CNTNAP2: variants seen among roughly 807,000 people sequenced by gnomAD.
CNTNAP2 encodes contactin associated protein 2, also known as contactin-associated protein-like 2.
Under a neutral mutation model 155.2 loss-of-function variants are expected in CNTNAP2, and 98 were observed. That is an observed-to-expected ratio of 0.63 (90% CI 0.54 to 0.75). The LOEUF is 0.75. Among genes scored for constraint, CNTNAP2 ranks in the 30% least tolerant of loss-of-function variants. The pLI, the probability that CNTNAP2 is intolerant of heterozygous loss-of-function variation, is 0.00. For synonymous variants in CNTNAP2, 651 were observed against 631.2 expected, an observed-to-expected ratio of 1.03 and a Z score of -0.47; for missense variants, 1,727 against 1,688.1, an observed-to-expected ratio of 1.02 and a Z score of -0.40.
intron 13 of CNTNAP2, among the ~76,000 whole-genome samples, chr7:147,876,938 G>T (rs778472360): frequency 3.3e-5 from 5 of 152,092 alleles, no homozygotes; most frequent in Admixed American, 1.3e-4. Flanking sequence ...TGGGGCTGGT[G>T]TCGGGTGATT....
At chr7:147,030,845 C>T (rs1489291304) in intron 3 of CNTNAP2, among the ~76,000 whole-genome samples, 1 of 152,156 alleles carries the variant, frequency 6.6e-6, no homozygotes, top group African/African-American at 2.4e-5. Flanking sequence ...GATTACACCA[C>T]TGCACTTCAG....
chr7:148,228,791 G>A (rs1025024101), intron 19 of CNTNAP2, among the ~76,000 whole-genome samples: 7 of 135,908 alleles, frequency 5.2e-5, no homozygotes, highest in Non-Finnish European at 9.2e-5. Flanking sequence ...TCGCGCCACT[G>A]CACTCCAGCC....
intron 3 of CNTNAP2, among the ~76,000 whole-genome samples, chr7:146,983,821 C>T (rs1415223187): frequency 6.6e-6 from 1 of 152,122 alleles, no homozygotes; most frequent in East Asian, 1.9e-4. Flanking sequence ...AATATGTTTG[C>T]AATTGACATA....
chr7:147,013,825 G>T (rs915549404), intron 3 of CNTNAP2, among the ~76,000 whole-genome samples: 1 of 152,100 alleles, frequency 6.6e-6, no homozygotes, highest in Non-Finnish European at 1.5e-5. Context: ...GGGATAAGGG[G>T]AATATTGGTA....
At chr7:147,481,196 C>A (rs1798416967) in intron 10 of CNTNAP2, among the ~76,000 whole-genome samples, 1 of 152,134 alleles carries the variant, frequency 6.6e-6, no homozygotes, top group Admixed American at 6.5e-5. Context: ...GATAAAAAGC[C>A]TTCAACGTGC....
At chr7:146,382,312 A>G (rs572353876) in intron 1 of CNTNAP2, among the ~76,000 whole-genome samples, 1 of 152,310 alleles carries the variant, frequency 6.6e-6, no homozygotes, top group East Asian at 1.9e-4. Flanking sequence ...AAAAAGGAAG[A>G]TGGTAACCTA....
intron 9 of CNTNAP2, among the ~76,000 whole-genome samples, chr7:147,351,032 A>T (rs1034395645): frequency 6.6e-6 from 1 of 151,764 alleles, no homozygotes; most frequent in Non-Finnish European, 1.5e-5. Flanking sequence ...TAGAGCACTT[A>T]CTTAAACCAA....
chr7:146,709,157 A>G (rs901194766), intron 1 of CNTNAP2, among the ~76,000 whole-genome samples: 3 of 152,148 alleles, frequency 2.0e-5, no homozygotes, highest in African/African-American at 7.2e-5. Context: ...TTTCCATATT[A>G]TAGAAACAGT....
At chr7:146,823,099 A>G (rs1301225298) in intron 2 of CNTNAP2, among the ~76,000 whole-genome samples, 42 of 57,400 alleles carry the variant, frequency 7.3e-4, no homozygotes, top group African/African-American at 3.6e-3. Context: ...AAATATACTC[A>G]TTCTTCAGCA....
chr7:147,704,296 A>G (rs1036149803), intron 13 of CNTNAP2: 1 of 161,456 alleles, frequency 6.2e-6, no homozygotes, highest in Non-Finnish European at 1.4e-5. Flanking sequence ...CTTTCTTATA[A>G]ATTATATTCT....
At chr7:147,831,230 C>A (rs1412922271) in intron 13 of CNTNAP2, among the ~76,000 whole-genome samples, 1 of 152,114 alleles carries the variant, frequency 6.6e-6, no homozygotes, top group Non-Finnish European at 1.5e-5. Flanking sequence ...TATGAATACA[C>A]AAGATACAAG....
At chr7:146,647,794 C>G (rs1400662380) in intron 1 of CNTNAP2, among the ~76,000 whole-genome samples, 1 of 152,156 alleles carries the variant, frequency 6.6e-6, no homozygotes, top group East Asian at 1.9e-4. Flanking sequence ...TTTACCTATT[C>G]TTTTGATTAG....
chr7:146,363,368 T>G (rs773277222), intron 1 of CNTNAP2, among the ~76,000 whole-genome samples: 9 of 152,274 alleles, frequency 5.9e-5, no homozygotes, highest in South Asian at 4.1e-4. Flanking sequence ...ATCAATAATT[T>G]AACTGTTAAA....
intron 11 of CNTNAP2, among the ~76,000 whole-genome samples, chr7:147,506,105 G>A (rs971818): frequency 0.7 from 106,986 of 152,028 alleles, 37,939 homozygotes; most frequent in African/African-American, 0.78. Context: ...TTGTGATAGA[G>A]ATAGTCAAAA....
chr7:147,743,066 G>C, intron 13 of CNTNAP2, among the ~76,000 whole-genome samples: 1 of 152,048 alleles, frequency 6.6e-6, no homozygotes, highest in East Asian at 1.9e-4. Flanking sequence ...CTAACAAAAT[G>C]TTGCAAACCC....
At chr7:147,454,953 T>A (rs1239861906) in intron 10 of CNTNAP2, among the ~76,000 whole-genome samples, 5 of 152,140 alleles carry the variant, frequency 3.3e-5, no homozygotes, top group Admixed American at 2.6e-4. Context: ...GACAGGATCA[T>A]GGTCTTTAAT....
intron 1 of CNTNAP2, among the ~76,000 whole-genome samples, chr7:146,684,659 A>AAAAAT (rs1800564159): frequency 6.7e-6 from 1 of 149,930 alleles, no homozygotes; most frequent in Admixed American, 6.6e-5. Context: ...AAAAAAAAAA[A>AAAAAT]GCTGGAGGAT....
At chr7:147,735,248 C>T (rs959204542) in intron 13 of CNTNAP2, among the ~76,000 whole-genome samples, 2 of 152,134 alleles carry the variant, frequency 1.3e-5, no homozygotes, top group African/African-American at 4.8e-5. Context: ...TTTCAAAGAA[C>T]ATCTTTATTT....
intron 11 of CNTNAP2, among the ~76,000 whole-genome samples, chr7:147,534,884 T>C (rs998052452): frequency 6.6e-6 from 1 of 152,020 alleles, no homozygotes; most frequent in African/African-American, 2.4e-5. Context: ...ATATACACTA[T>C]GGACAAGTAT....
Sources: gnomAD v4.1 joint callset for allele counts (sites outside exome capture counted in the v4.1 genomes callset) on GRCh38, gnomAD v4.1.1 for gene constraint, MANE v1.5 for transcripts, NCBI Gene and HGNC (gene_info 2026-07-23, HGNC 2026-07-21) for gene names.